The following SMOC2 variants were observed in gnomAD, a reference collection of about 807,000 sequenced individuals.
SMOC2 encodes the protein SPARC related modular calcium binding 2, also known as SPARC-related modular calcium-binding protein 2.
SMOC2 carries 39 observed loss-of-function variants against 61.4 expected under a neutral mutation model. The ratio of observed to expected loss-of-function variants is 0.64; its 90% CI spans 0.49 to 0.83. The LOEUF is 0.83. Among genes scored for constraint, SMOC2 ranks in the 40% least tolerant of loss-of-function variants. The pLI is 0.00. For missense variants in SMOC2, 556 were observed against 592.9 expected, an observed-to-expected ratio of 0.94 and a Z score of 0.65; for synonymous variants, 247 against 239.9, an observed-to-expected ratio of 1.03 and a Z score of -0.27.
Position 168,543,642 on chromosome 6 carries a change from T to C in SMOC2, c.481T>C (p.Leu161=), listed in dbSNP as rs1327580185. The change falls in exon 5 of 13, where the codon TTA becomes CTA. Residue 161 remains leucine, a synonymous_variant. Coordinates refer to ENST00000356284, the MANE Select transcript of SMOC2 (RefSeq NM_001166412.2). ...TCTTTTAGGTTCCGTAAATGAAAAG[T>C]TACCCCAACGCGAAGGCACAGGAAA... ...PRCPGSVNEK[L]PQREGTGKTD... 3 of 1,613,938 alleles carry C rather than the reference T, an allele frequency of 1.9e-6. No homozygotes were observed. The highest frequency in any genetic ancestry group is 1.6e-4 in the Middle Eastern group (1 of 6,062).
chr6:168,532,335 G>A (rs1056298993), intron 4 of SMOC2, among the ~76,000 whole-genome samples: 1 of 152,148 alleles, frequency 6.6e-6, no homozygotes. Flanking sequence ...CCTGGGATTG[G>A]GGGCCAGCTC....
intron 8 of SMOC2, among the ~76,000 whole-genome samples, chr6:168,599,728 ACT>A (rs1009328648): frequency 3.8e-5 from 5 of 133,054 alleles, no homozygotes; most frequent in Non-Finnish European, 6.3e-5. Context: ...AACCACTAAT[ACT>A]CTCACACACT....
chr6:168,648,102 C>G (rs951717944), intron 9 of SMOC2, among the ~76,000 whole-genome samples: 1 of 152,276 alleles, frequency 6.6e-6, no homozygotes, highest in East Asian at 1.9e-4. Flanking sequence ...TCCCTATTAC[C>G]ACACCAAATA....
intron 9 of SMOC2, among the ~76,000 whole-genome samples, chr6:168,631,621 A>C (rs566106949): frequency 4.6e-5 from 7 of 152,302 alleles, no homozygotes; most frequent in African/African-American, 1.7e-4. Context: ...TTCTTGAAGG[A>C]ATGCAGACAT....
chr6:168,519,265 A>G (rs1783266287), intron 2 of SMOC2, among the ~76,000 whole-genome samples: 1 of 151,982 alleles, frequency 6.6e-6, no homozygotes. Flanking sequence ...GCGTGCGTGC[A>G]TGTGTGAGTG....
At chr6:168,652,193 CAAACT>C (rs1423007732) in intron 10 of SMOC2, among the ~76,000 whole-genome samples, 2 of 152,072 alleles carry the variant, frequency 1.3e-5, no homozygotes, top group Non-Finnish European at 2.9e-5. Flanking sequence ...AACTAAATTG[CAAACT>C]AAACTAAATG....
chr6:168,511,810 GGTT>G (rs1489843087), intron 2 of SMOC2, among the ~76,000 whole-genome samples: 2 of 40,082 alleles, frequency 5.0e-5, no homozygotes, highest in Non-Finnish European at 8.2e-5. Flanking sequence ...CATTATCAAG[GGTT>G]GTTTTTTTTT....
chr6:168,503,021 C>T (rs907040797), intron 1 of SMOC2, among the ~76,000 whole-genome samples: 6 of 148,508 alleles, frequency 4.0e-5, no homozygotes, highest in African/African-American at 1.5e-4. Flanking sequence ...CTGCCTTGGC[C>T]TCCCAAAGTG....
chr6:168,571,788 C>G (rs1313636057), intron 7 of SMOC2, among the ~76,000 whole-genome samples: 1 of 152,118 alleles, frequency 6.6e-6, no homozygotes, highest in Non-Finnish European at 1.5e-5. Flanking sequence ...GTTCACTGAA[C>G]GCAATGTTCA....
At chr6:168,511,818 T>TTTTTG (rs1554285814) in intron 2 of SMOC2, among the ~76,000 whole-genome samples, 6 of 150,970 alleles carry the variant, frequency 4.0e-5, no homozygotes, top group Non-Finnish European at 8.9e-5. Context: ...AGGGTTGTTT[T>TTTTTG]TTTTTTTTTT....
At chr6:168,573,551 G>A (rs915601388) in intron 7 of SMOC2, among the ~76,000 whole-genome samples, 1 of 152,184 alleles carries the variant, frequency 6.6e-6, no homozygotes, top group Non-Finnish European at 1.5e-5. Flanking sequence ...TCCAGCCTGG[G>A]AGGAGGCGCA....
chr6:168,608,336 C>G, intron 9 of SMOC2, 97 bp downstream of exon 9: 1 of 1,351,640 alleles, frequency 7.4e-7, no homozygotes, highest in Non-Finnish European at 1.0e-6. Context: ...ACTCTGTTTC[C>G]CAGGGGGCCT....
intron 1 of SMOC2, among the ~76,000 whole-genome samples, chr6:168,502,736 TTTTAATTTAA>T (rs59846215): frequency 0.51 from 76,049 of 149,152 alleles, 19,922 homozygotes; most frequent in East Asian, 0.74. Context: ...TTTTATTTTA[TTTTAATTTAA>T]TTTAATTTAA....
rs112121714 is a variant in SMOC2 at position 168,560,429 on chromosome 6, A to G, written c.637+11226A>G. Among the ~76,000 whole-genome samples, 132 of 152,238 alleles carry G rather than the reference A, an allele frequency of 8.7e-4. 2 individuals carry two copies. Among genetic ancestry groups the G allele is most frequent in the Admixed American group, 1.8e-3 (28 of 15,286 alleles). On this transcript the variant is annotated intron_variant, in intron 7 of 12. Coordinates refer to ENST00000356284, the MANE Select transcript of SMOC2 (RefSeq NM_001166412.2). ...TTACTGACAAACAGTCTTCAAGGTC[A>G]TATTTATTTTTTAAAACTCTTTCAA...
intron 11 of SMOC2, among the ~76,000 whole-genome samples, chr6:168,663,789 T>C (rs1180155088): frequency 6.6e-6 from 1 of 152,224 alleles, no homozygotes; most frequent in Non-Finnish European, 1.5e-5. Flanking sequence ...ATAAGTAGTC[T>C]ACAGATGATT....
chr6:168,477,663 T>G (rs1212500033), intron 1 of SMOC2, among the ~76,000 whole-genome samples: 1 of 152,130 alleles, frequency 6.6e-6, no homozygotes. Flanking sequence ...CCCTCACTGT[T>G]TGCTGTTGTA....
At chr6:168,447,235 T>G (rs761918887) in intron 1 of SMOC2, among the ~76,000 whole-genome samples, 28 of 152,108 alleles carry the variant, frequency 1.8e-4, no homozygotes, top group Non-Finnish European at 3.8e-4. Flanking sequence ...CCTGGCTAAT[T>G]TTTTGTATTT....
intron 7 of SMOC2, among the ~76,000 whole-genome samples, chr6:168,595,400 A>G (rs190330016): frequency 1.3e-5 from 2 of 152,284 alleles, no homozygotes; most frequent in East Asian, 3.9e-4. Flanking sequence ...TCCCTCTACC[A>G]GCGTGATTAA....
At chr6:168,455,654 T>G (rs2114997678) in intron 1 of SMOC2, among the ~76,000 whole-genome samples, 1 of 152,326 alleles carries the variant, frequency 6.6e-6, no homozygotes, top group Admixed American at 6.5e-5. Flanking sequence ...CAGATTTCAT[T>G]ATTATCTCTG....
Sources: allele counts gnomAD v4.1 joint callset (sites outside exome capture counted in the v4.1 genomes callset), GRCh38; gene constraint gnomAD v4.1.1; transcripts MANE v1.5; gene names NCBI Gene and HGNC (gene_info 2026-07-23, HGNC 2026-07-21).